Variants in C10orf143 observed in about 807,000 individuals in gnomAD.
The protein encoded by C10orf143 is uncharacterized protein C10orf143.
downstream of C10orf143, among the ~76,000 whole-genome samples, chr10:130,059,757 G>A (rs1860834527): frequency 6.6e-6 from 1 of 152,158 alleles, no homozygotes; most frequent in Non-Finnish European, 1.5e-5. Flanking sequence ...TCCTTGCATA[G>A]AGAGAGATAC....
At chr10:130,069,281 T>C (rs1860991525) in intron 3 of C10orf143, among the ~76,000 whole-genome samples, 1 of 152,204 alleles carries the variant, frequency 6.6e-6, no homozygotes, top group South Asian at 2.1e-4. Flanking sequence ...CCTGTTACTC[T>C]ACTTCAAAAC....
Position 130,091,752 on chromosome 10 carries a change from G to A in C10orf143, c.70-11851C>T, listed in dbSNP as rs185741844. Among the ~76,000 whole-genome samples the A allele has an allele frequency of 8.1e-4, 123 of 152,250 alleles. 1 individual carries two copies. The highest frequency in any genetic ancestry group is 1.9e-3 in the African/African-American group (80 of 41,538). Reference sequence around the variant, plus strand: ...CTGATGGAGCTGAAAAACACAGCACGAGAACTTCATGAAGCATACACAAGT... The same window carrying A: ...CTGATGGAGCTGAAAAACACAGCACAAGAACTTCATGAAGCATACACAAGT... On this transcript the variant is annotated intron_variant, in intron 1 of 3. Transcript: ENST00000637128.
intron 3 of C10orf143, among the ~76,000 whole-genome samples, chr10:130,075,764 T>G (rs763817335): frequency 4.6e-5 from 7 of 152,148 alleles, no homozygotes; most frequent in Non-Finnish European, 7.3e-5. Context: ...TGTTTGAAAG[T>G]GCATAGCACT....
intron 3 of C10orf143, among the ~76,000 whole-genome samples, chr10:130,057,055 T>A (rs1234072034): frequency 1.8e-5 from 2 of 112,612 alleles, no homozygotes; most frequent in Non-Finnish European, 4.2e-5. Flanking sequence ...CAGGCCCAGC[T>A]ATTTTTTTTT....
intron 1 of C10orf143, among the ~76,000 whole-genome samples, chr10:130,084,968 T>C (rs934125147): frequency 6.6e-6 from 1 of 152,012 alleles, no homozygotes; most frequent in Admixed American, 6.6e-5. Context: ...AGCAATAAAA[T>C]AAATAAAAAA....
At chr10:130,041,459 T>G (rs917994038) in intron 3 of C10orf143, among the ~76,000 whole-genome samples, 1 of 152,224 alleles carries the variant, frequency 6.6e-6, no homozygotes, top group Non-Finnish European at 1.5e-5. Context: ...TCTTTTTTCA[T>G]TGCTACCAAT....
intron 1 of C10orf143, among the ~76,000 whole-genome samples, chr10:130,086,741 C>T (rs527324400): frequency 1.2e-4 from 19 of 152,276 alleles, no homozygotes; most frequent in African/African-American, 4.6e-4. Context: ...ATATTATTTC[C>T]CTTCCTCTTT....
chr10:130,072,521 C>T (rs1861049339), intron 3 of C10orf143, among the ~76,000 whole-genome samples: 1 of 152,130 alleles, frequency 6.6e-6, no homozygotes, highest in Admixed American at 6.6e-5. Context: ...TTAACTGTGT[C>T]TAATCTGATG....
chr10:130,050,898 G>A (rs1040246093), intron 3 of C10orf143, among the ~76,000 whole-genome samples: 1 of 152,192 alleles, frequency 6.6e-6, no homozygotes, highest in Non-Finnish European at 1.5e-5. Flanking sequence ...CCAGTGCCCC[G>A]ACTTCCTTGT....
At position 130,072,411 on chromosome 10, in the gene C10orf143, A is replaced by G. The variant is rs139386824; in HGVS notation, c.297+7155T>C. Reference sequence around the variant, plus strand: ...AATGGGCATTCTCATTCTTTCCTCTATGACTCCTAATTACACTTTTATACT... The same window carrying G: ...AATGGGCATTCTCATTCTTTCCTCTGTGACTCCTAATTACACTTTTATACT... On this transcript the variant is annotated intron_variant, in intron 3 of 3. Transcript: ENST00000637128. 1.5e-3 allele frequency among the ~76,000 whole-genome samples: 227 copies of G among 152,182 alleles called. 1 individual carries two copies. Among genetic ancestry groups the G allele is most frequent in the Middle Eastern group, 6.8e-3 (2 of 294 alleles).
At chr10:130,045,997 G>A (rs555599942) in intron 3 of C10orf143, among the ~76,000 whole-genome samples, 19 of 152,102 alleles carry the variant, frequency 1.2e-4, no homozygotes, top group South Asian at 1.2e-3. Flanking sequence ...CTGGGCATGG[G>A]AGGTGGGGCT....
intron 3 of C10orf143, among the ~76,000 whole-genome samples, chr10:130,069,616 A>AT (rs34094262): frequency 1.3e-5 from 2 of 151,242 alleles, no homozygotes; most frequent in Non-Finnish European, 2.9e-5. Context: ...TTTCTGGAAA[A>AT]TTTTTTTTTT....
chr10:130,083,523 C>G (rs1201603012), intron 1 of C10orf143, among the ~76,000 whole-genome samples: 1 of 152,196 alleles, frequency 6.6e-6, no homozygotes, highest in African/African-American at 2.4e-5. Flanking sequence ...GTTGGATAAA[C>G]TATGGTACAT....
At chr10:130,075,079 T>A (rs1286350300) in intron 3 of C10orf143, among the ~76,000 whole-genome samples, 1 of 152,002 alleles carries the variant, frequency 6.6e-6, no homozygotes, top group Non-Finnish European at 1.5e-5. Flanking sequence ...CTTTGCTATT[T>A]GCCCTCAATG....
At chr10:130,062,496 G>T (rs536256299), downstream of C10orf143, among the ~76,000 whole-genome samples, 5 of 152,174 alleles carry the variant, frequency 3.3e-5, no homozygotes, top group Admixed American at 2.0e-4. Context: ...TCTTTCTCCC[G>T]TGCTGGATGC....
At chr10:130,086,960 G>C (rs1861300364) in intron 1 of C10orf143, among the ~76,000 whole-genome samples, 1 of 152,204 alleles carries the variant, frequency 6.6e-6, no homozygotes, top group Non-Finnish European at 1.5e-5. Context: ...GGGGCGCAGG[G>C]GGCTGAAGGG....
rs533830572 is a variant in C10orf143 at position 130,058,310 on chromosome 10, T to G, written c.297+21256A>C. Among the ~76,000 whole-genome samples the G allele has an allele frequency of 3.3e-5, 5 of 152,312 alleles. No individual in the cohort carries two copies. In the East Asian group the frequency reaches 7.7e-4, roughly 24 times the overall value. ...GCCAGGTCTGACCCCAGCATCTGAC[T>G]GTGGACAAGTGATGCAGCCTCCTTG... On this transcript the variant is annotated intron_variant and NMD_transcript_variant, in intron 3 of 5. Transcript: ENST00000643056.
rs181575954 is a variant in C10orf143, at chr10:130,044,885, C to G, written c.298-8915G>C. Among the ~76,000 whole-genome samples, 487 of 152,280 alleles carry G rather than the reference C, an allele frequency of 3.2e-3. 3 individuals are homozygous for G. The highest frequency in any genetic ancestry group is 4.5e-3 in the Non-Finnish European group (307 of 68,012). On this transcript the variant is annotated intron_variant and NMD_transcript_variant, in intron 3 of 5. Transcript: ENST00000643056. ...AGGCCATTACTACCAACAGCAATGCCCAGCCCTGCGCATAGGTGTGCGGAT... is the reference window on the plus strand; with the variant it reads ...AGGCCATTACTACCAACAGCAATGCGCAGCCCTGCGCATAGGTGTGCGGAT...
intron 3 of C10orf143, among the ~76,000 whole-genome samples, chr10:130,069,425 A>G (rs921075909): frequency 1.2e-4 from 18 of 152,220 alleles, no homozygotes; most frequent in Non-Finnish European, 2.1e-4. Context: ...GCCTTACAAG[A>G]AATGCTGATG....
Sources: allele counts gnomAD v4.1 joint callset (sites outside exome capture counted in the v4.1 genomes callset), GRCh38; gene constraint gnomAD v4.1.1; transcripts MANE v1.5; gene names NCBI Gene and HGNC (gene_info 2026-07-23, HGNC 2026-07-21).